Variants in CYP3A7 observed in about 807,000 individuals in gnomAD.
CYP3A7 encodes the protein cytochrome P450 3A7.
Under a neutral mutation model 55.2 loss-of-function variants are expected in CYP3A7, and 45 were observed. That is an observed-to-expected ratio of 0.82 (90% CI 0.64 to 1.05). The LOEUF is 1.05. Ranked by LOEUF, CYP3A7 falls within the 50% of genes least tolerant of loss-of-function variation. The probability of loss-of-function intolerance (pLI) is 0.00; values close to 1 mark genes in which losing one functional copy is unlikely to be tolerated. For synonymous variants in CYP3A7, 180 were observed against 207.4 expected, an observed-to-expected ratio of 0.87 and a Z score of 1.13; for missense variants, 548 against 605.3, an observed-to-expected ratio of 0.91 and a Z score of 0.99.
chr7:99,723,566 G>A (rs1814292425), intron 2 of CYP3A7, among the ~76,000 whole-genome samples: 1 of 152,182 alleles, frequency 6.6e-6, no homozygotes, highest in East Asian at 1.9e-4. Flanking sequence ...TCACATGGAC[G>A]CAAATGACAT....
chr7:99,712,722 G>A (rs1321297029), intron 9 of CYP3A7, among the ~76,000 whole-genome samples: 3 of 152,170 alleles, frequency 2.0e-5, no homozygotes, highest in African/African-American at 4.8e-5. Flanking sequence ...GCCAAAGTCA[G>A]CCTACTCCTG....
At chr7:99,713,637 T>C (rs1164681126) in intron 8 of CYP3A7, 102 bp from the exon 9 acceptor site, 20 of 1,516,842 alleles carry the variant, frequency 1.3e-5, no homozygotes, top group Non-Finnish European at 1.5e-5. Flanking sequence ...ATATAGCCCC[T>C]TGGAGACCAG....
At chr7:99,706,726 A>T (rs1436496559) in intron 12 of CYP3A7, among the ~76,000 whole-genome samples, 1 of 152,276 alleles carries the variant, frequency 6.6e-6, no homozygotes, top group Non-Finnish European at 1.5e-5. Flanking sequence ...GCACACACAC[A>T]TGCAAATACA....
At chr7:99,710,692 C>T in intron 10 of CYP3A7, 40 bp downstream of exon 10, 1 of 1,613,288 alleles carries the variant, frequency 6.2e-7, no homozygotes, top group Non-Finnish European at 8.5e-7. Context: ...TTTGCTAAGG[C>T]TTCACCTCCT....
intron 5 of CYP3A7, 45 bp from the exon 6 acceptor site, chr7:99,717,310 T>C (rs560268560): frequency 3.1e-6 from 5 of 1,613,622 alleles, no homozygotes; most frequent in Non-Finnish European, 4.2e-6. Context: ...TGTGCAGACA[T>C]AAGTCCCAGA....
chr7:99,717,447 A>AG, intron 5 of CYP3A7, 79 bp downstream of exon 5: 1 of 1,594,474 alleles, frequency 6.3e-7, no homozygotes, highest in Non-Finnish European at 8.6e-7. Context: ...CTCGGAAAGG[A>AG]ACTCTGATCT....
chr7:99,711,876 T>C (rs138798389), intron 9 of CYP3A7, among the ~76,000 whole-genome samples: 1 of 152,284 alleles, frequency 6.6e-6, no homozygotes, highest in Non-Finnish European at 1.5e-5. Context: ...ATGTGGTAAT[T>C]TGTGTGCATA....
intron 10 of CYP3A7, among the ~76,000 whole-genome samples, chr7:99,709,985 T>G (rs1263284676): frequency 6.6e-6 from 1 of 152,154 alleles, no homozygotes; most frequent in Non-Finnish European, 1.5e-5. Flanking sequence ...GGCAAAGTTA[T>G]GAAAAGGATA....
intron 10 of CYP3A7, among the ~76,000 whole-genome samples, chr7:99,710,111 A>G (rs936822739): frequency 6.6e-6 from 1 of 152,224 alleles, no homozygotes; most frequent in African/African-American, 2.4e-5. Flanking sequence ...CCACACAAAG[A>G]CCAGCCCAAA....
At chr7:99,722,393 A>G (rs1366332351) in intron 2 of CYP3A7, 45 bp from the exon 3 acceptor site, 6 of 1,605,664 alleles carry the variant, frequency 3.7e-6, no homozygotes, top group Admixed American at 1.7e-5. Context: ...TTTTAAGTGT[A>G]CTTAACCCTG....
chr7:99,707,926 G>A lies in CYP3A7; in HGVS notation c.1302C>T (p.Pro434=), dbSNP rs1458353915. 14 of 1,613,992 alleles carry A rather than the reference G, an allele frequency of 8.7e-6. No individual in the cohort carries two copies. Among genetic ancestry groups the A allele is most frequent in the Middle Eastern group, 1.7e-4 (1 of 6,060 alleles). ...KDNIDPYIYT[P]FGSGPRNCIG... ...TGCAGTTTCTGGGTCCACTTCCAAA[G>A]GGTGTGTATATGTAAGGATCTATGT... Residue 434 remains proline, a synonymous_variant, in exon 12 of 13, where the codon CCC becomes CCT. Coordinates refer to ENST00000336374, the MANE Select transcript of CYP3A7 (RefSeq NM_000765.5).
In CYP3A7 at chr7:99,707,802, A is replaced by T; in HGVS notation, c.1416+10T>A. ...TAATAAAACATTATTAATGCAGAAAATTGACTGACCTGTGTTTCTTTACAA... is the reference window on the plus strand; with the variant it reads ...TAATAAAACATTATTAATGCAGAAATTTGACTGACCTGTGTTTCTTTACAA... On this transcript the variant is annotated intron_variant, in intron 12 of 12. Transcript: ENST00000336374. The T allele has an allele frequency of 6.2e-7, 1 of 1,613,748 alleles. No individual in the cohort carries two copies. Among genetic ancestry groups the T allele is most frequent in the Non-Finnish European group, 8.5e-7 (1 of 1,179,756 alleles).
At chr7:99,712,227 G>C (rs1813774082) in intron 9 of CYP3A7, among the ~76,000 whole-genome samples, 1 of 152,246 alleles carries the variant, frequency 6.6e-6, no homozygotes, top group African/African-American at 2.4e-5. Flanking sequence ...AAACCAATAC[G>C]AAAGGAGTGT....
chr7:99,715,510 A>G, intron 7 of CYP3A7: 1 of 538,244 alleles, frequency 1.9e-6, no homozygotes, highest in Non-Finnish European at 3.2e-6. Context: ...AGATGCAGAA[A>G]GTTGACTAGT....
chr7:99,732,048 C>T (rs192640722), intron 1 of CYP3A7, among the ~76,000 whole-genome samples: 32 of 152,238 alleles, frequency 2.1e-4, no homozygotes, highest in African/African-American at 6.0e-4. Flanking sequence ...ACCCAAATCT[C>T]ATGTTGAAAT....
chr7:99,719,460 T>C (rs1814097644), intron 4 of CYP3A7, among the ~76,000 whole-genome samples: 1 of 152,178 alleles, frequency 6.6e-6, no homozygotes, highest in Admixed American at 6.5e-5. Flanking sequence ...TCATACCTTA[T>C]ACAAAAAATA....
chr7:99,707,480 C>T, intron 12 of CYP3A7, among the ~76,000 whole-genome samples: 1 of 152,194 alleles, frequency 6.6e-6, no homozygotes, highest in East Asian at 1.9e-4. Flanking sequence ...AAAGTCAAAA[C>T]AAGATAATAA....
At chr7:99,717,749 T>A in intron 4 of CYP3A7, 110 bp from the exon 5 acceptor site, 1 of 1,363,038 alleles carries the variant, frequency 7.3e-7, no homozygotes, top group Non-Finnish European at 1.0e-6. Context: ...TTAGTGACTG[T>A]CTACTAAGTG....
chr7:99,726,168 G>C (rs1814404191), intron 2 of CYP3A7, among the ~76,000 whole-genome samples: 1 of 151,882 alleles, frequency 6.6e-6, no homozygotes. Flanking sequence ...CACAGGTATG[G>C]GACACCTCTA....
Sources: allele counts gnomAD v4.1 joint callset (sites outside exome capture counted in the v4.1 genomes callset), GRCh38; gene constraint gnomAD v4.1.1; transcripts MANE v1.5; gene names NCBI Gene and HGNC (gene_info 2026-07-23, HGNC 2026-07-21).